The following BDP1 variants were observed in gnomAD, a reference collection of about 807,000 sequenced individuals.
BDP1 encodes the protein transcription factor TFIIIB component B'' homolog.
In BDP1, 169 loss-of-function variants were observed where a neutral mutation model predicts 266.6. The observed-to-expected ratio is 0.63, with a 90% CI of 0.56 to 0.72. The LOEUF is 0.72. BDP1 is among the 30% of genes least tolerant of loss of function. The pLI is 0.00. For missense variants in BDP1, 3,015 were observed against 3,053.8 expected (o/e 0.99, Z 0.30); for synonymous variants, 1,090 against 1,022.4 (o/e 1.07, Z -1.26).
chr5:71,490,402 G>A (rs1008418507), intron 10 of BDP1, among the ~76,000 whole-genome samples: 9 of 152,072 alleles, frequency 5.9e-5, no homozygotes, highest in African/African-American at 2.2e-4. Flanking sequence ...TACGTATAAT[G>A]CAGAACAGCT....
At chr5:71,561,127 T>C (rs2112098476) in intron 37 of BDP1, among the ~76,000 whole-genome samples, 1 of 144,636 alleles carries the variant, frequency 6.9e-6, no homozygotes, top group South Asian at 2.2e-4. Flanking sequence ...AAAGGCTGGG[T>C]GCGGTGGCTC....
chr5:71,530,889 G>A (rs918133191), intron 25 of BDP1, among the ~76,000 whole-genome samples: 25 of 152,056 alleles, frequency 1.6e-4, no homozygotes, highest in Non-Finnish European at 4.4e-5. Context: ...ACCAGACTAG[G>A]CAACATGGCG....
At chr5:71,545,356 C>A in intron 32 of BDP1, 137 bp downstream of exon 32, 1 of 862,408 alleles carries the variant, frequency 1.2e-6, no homozygotes, top group Non-Finnish European at 1.8e-6. Context: ...TTTTTGGAGA[C>A]AGTCTTGTTC....
rs1275715169 is a variant in BDP1 at position 71,509,637 on chromosome 5, G to A, written c.2545G>A (p.Glu849Lys). ...TGGGGAAATGGCGGCAGCATTGAGA[G>A]AAACTGTAAGACTAGACACCTCACC... ...VSGEMAAALR[E>K]TVRLDTSPKE... is the part of the protein sequence containing the mutation. The change falls in exon 17 of 39, where the codon GAA (glutamate) becomes AAA (lysine). Residue 849 changes from glutamate to lysine, a missense_variant. Glu to Lys is a moderately conservative substitution (Grantham distance 56). Coordinates refer to ENST00000358731, the MANE Select transcript of BDP1 (RefSeq NM_018429.3). The A allele has an allele frequency of 7.4e-6, 12 of 1,613,164 alleles. No homozygotes were observed. The highest frequency in any genetic ancestry group is 1.0e-5 in the Non-Finnish European group (12 of 1,179,830).
chr5:71,489,123 A>G (rs1243560875), intron 9 of BDP1, among the ~76,000 whole-genome samples: 1 of 152,206 alleles, frequency 6.6e-6, no homozygotes, highest in Non-Finnish European at 1.5e-5. Flanking sequence ...TTTAATAAAA[A>G]TGAGATTTTA....
intron 16 of BDP1, 96 bp from the exon 17 acceptor site, chr5:71,509,369 A>C: frequency 1.5e-6 from 2 of 1,331,214 alleles, no homozygotes; most frequent in Non-Finnish European, 2.0e-6. Context: ...TGAATTTGAG[A>C]GTTTCTGGTG....
At chr5:71,542,474 A>T (rs948879094) in intron 30 of BDP1, among the ~76,000 whole-genome samples, 30 of 152,206 alleles carry the variant, frequency 2.0e-4, no homozygotes, top group African/African-American at 6.7e-4. Flanking sequence ...TGTTTGATCA[A>T]TTTTTTGTCC....
downstream of BDP1, among the ~76,000 whole-genome samples, chr5:71,568,553 C>T (rs115292209): frequency 1.0e-2 from 1,521 of 152,202 alleles, 29 homozygotes; most frequent in African/African-American, 0.034. Flanking sequence ...ACTGCAGCCT[C>T]GAACTTCTGG....
At chr5:71,552,961 C>T (rs192483915) in intron 34 of BDP1, among the ~76,000 whole-genome samples, 155 bp from the exon 35 acceptor site, 37 of 152,092 alleles carry the variant, frequency 2.4e-4, no homozygotes, top group Admixed American at 2.2e-3. Context: ...GGCCGTGTAT[C>T]TCTTAGTTTG....
chr5:71,555,786 G>C (rs1290538745), intron 35 of BDP1, among the ~76,000 whole-genome samples: 4 of 152,132 alleles, frequency 2.6e-5, no homozygotes, highest in African/African-American at 4.8e-5. Context: ...TATAGGGACA[G>C]TATCTCTCCC....
In BDP1 at chr5:71,497,274, A is replaced by C. The variant is rs768737406; in HGVS notation, c.1804A>C (p.Ile602Leu). The C allele has an allele frequency of 8.1e-5, 130 of 1,611,164 alleles. No homozygotes were observed. Among genetic ancestry groups the C allele is most frequent in the Non-Finnish European group, 1.1e-4 (126 of 1,178,572 alleles). ...TAAATAATGTTAATTTTTCAGGGAA[A>C]TTGATCAAACAGAAAATGTTAAACC... ...NVDLKNNSLEIDQTENVKPML... is the reference protein window; with the variant it reads ...NVDLKNNSLELDQTENVKPML... Residue 602 changes from isoleucine (I) to leucine (L), a missense_variant, in exon 13 of 39, where the codon ATT (isoleucine) becomes CTT (leucine). By Grantham distance (5) the Ile-to-Leu change is conservative (BLOSUM62 2). Coordinates refer to ENST00000358731, the MANE Select transcript of BDP1 (RefSeq NM_018429.3).
At chr5:71,499,042 A>G (rs1449076973) in intron 13 of BDP1, among the ~76,000 whole-genome samples, 1 of 152,032 alleles carries the variant, frequency 6.6e-6, no homozygotes, top group Non-Finnish European at 1.5e-5. Context: ...TTATCTATGT[A>G]TGCACACATT....
chr5:71,485,736 C>T, intron 8 of BDP1, among the ~76,000 whole-genome samples: 1 of 152,074 alleles, frequency 6.6e-6, no homozygotes, highest in East Asian at 1.9e-4. Flanking sequence ...GGGCATGTTC[C>T]TGATTAAATT....
intron 36 of BDP1, among the ~76,000 whole-genome samples, chr5:71,558,695 G>A (rs541336092): frequency 8.6e-5 from 13 of 151,970 alleles, no homozygotes; most frequent in African/African-American, 2.4e-4. Context: ...GCGTGGTGGC[G>A]GGCACCTGTA....
At position 71,491,139 on chromosome 5, in the gene BDP1, C is replaced by T. The variant is rs1408351725; in HGVS notation, c.1640+8C>T. The T allele has an allele frequency of 5.6e-6, 9 of 1,612,908 alleles. No homozygotes were observed. The highest frequency in any genetic ancestry group is 7.6e-6 in the Non-Finnish European group (9 of 1,179,420). On this transcript the variant is annotated splice_region_variant and intron_variant, in intron 11 of 38. Coordinates refer to ENST00000358731, the MANE Select transcript of BDP1 (RefSeq NM_018429.3). ...CCCCATCCTTTCATTAAGGTATTTT[C>T]TGTGTCTTTTCTGGTTTTATCCACA...
intron 5 of BDP1, among the ~76,000 whole-genome samples, chr5:71,466,801 G>A (rs1761936781): frequency 6.6e-6 from 1 of 151,942 alleles, no homozygotes; most frequent in Non-Finnish European, 1.5e-5. Context: ...AGCAATGGAA[G>A]GTCTTTGAAA....
intron 27 of BDP1, 124 bp from the exon 28 acceptor site, chr5:71,539,433 T>G: frequency 1.5e-6 from 1 of 679,160 alleles, no homozygotes; most frequent in Non-Finnish European, 2.5e-6. Flanking sequence ...TAGTAAGGGA[T>G]TAATGGCTCA....
intron 20 of BDP1, among the ~76,000 whole-genome samples, chr5:71,515,790 TCTC>T (rs1384517895): frequency 2.0e-5 from 3 of 152,094 alleles, no homozygotes; most frequent in Non-Finnish European, 2.9e-5. Flanking sequence ...ACTAACTCAT[TCTC>T]CTCCTCTTCC....
At chr5:71,525,485 G>A (rs1175774029) in intron 25 of BDP1, among the ~76,000 whole-genome samples, 12 of 135,804 alleles carry the variant, frequency 8.8e-5, no homozygotes, top group East Asian at 2.4e-4. Context: ...CTGGCCGGGC[G>A]GGGGGCTGAC....
Sources: allele counts gnomAD v4.1 joint callset (sites outside exome capture counted in the v4.1 genomes callset), GRCh38; gene constraint gnomAD v4.1.1; transcripts MANE v1.5; gene names NCBI Gene and HGNC (gene_info 2026-07-23, HGNC 2026-07-21).